The following PCNX1 variants were observed in gnomAD, a reference collection of about 807,000 sequenced individuals.
PCNX1 encodes pecanex-like protein 1.
PCNX1 carries 78 observed loss-of-function variants against 242.2 expected under a neutral mutation model. That is an observed-to-expected ratio of 0.32 (90% CI 0.27 to 0.39). PCNX1 has a LOEUF of 0.39. Ranked by LOEUF, PCNX1 falls within the 10% of genes least tolerant of loss-of-function variation. The pLI is 1.00. For missense variants in PCNX1, 2,581 were observed against 2,856.5 expected, an observed-to-expected ratio of 0.90 and a Z score of 2.20; for synonymous variants, 1,024 against 1,032.9, an observed-to-expected ratio of 0.99 and a Z score of 0.17.
intron 19 of PCNX1, among the ~76,000 whole-genome samples, chr14:71,043,513 C>CCCTT (rs908363125): frequency 1.3e-4 from 19 of 146,360 alleles, no homozygotes; most frequent in Admixed American, 6.8e-5. Context: ...CTCCCTCCCT[C>CCCTT]CCTTCCTTCC....
Position 71,064,757 on chromosome 14 carries a change from A to G in PCNX1, c.4852+7033A>G, listed in dbSNP as rs2061407931. 2.0e-5 allele frequency among the ~76,000 whole-genome samples: 3 copies of G among 152,058 alleles called. 1 individual carries two copies. The highest frequency in any genetic ancestry group is 4.4e-5 in the Non-Finnish European group (3 of 68,004). ...TACATTAGGTATTTCTCCTAATGCT[A>G]TCCCTCCCCTGGCCCCCATCCCCCG... On this transcript the variant is annotated intron_variant, in intron 26 of 35. Transcript: ENST00000304743.
chr14:71,097,018 T>C (rs981410201), intron 30 of PCNX1, among the ~76,000 whole-genome samples: 1 of 152,066 alleles, frequency 6.6e-6, no homozygotes. Context: ...CACCGGCATC[T>C]CCTACCCAGG....
chr14:70,986,591 A>G (rs1213117741), intron 6 of PCNX1, among the ~76,000 whole-genome samples: 1 of 152,196 alleles, frequency 6.6e-6, no homozygotes, highest in African/African-American at 2.4e-5. Context: ...GAAGATAGTA[A>G]AGAAAACCGT....
intron 11 of PCNX1, among the ~76,000 whole-genome samples, chr14:71,016,120 A>C (rs969297336): frequency 1.3e-5 from 2 of 152,254 alleles, no homozygotes; most frequent in Non-Finnish European, 2.9e-5. Context: ...TATTAAAGTC[A>C]GGTAAAGTAG....
Position 70,978,663 on chromosome 14 carries a change from A to G in PCNX1, c.2311+15A>G, listed in dbSNP as rs1272341124. 5 of 1,587,886 alleles carry G rather than the reference A, an allele frequency of 3.1e-6. No individual in the cohort carries two copies. In the African/African-American group the frequency reaches 5.4e-5, roughly 17 times the overall value. ...AGTCAGTGGAGGTAAGTAAACTGTA[A>G]GAAGAGATTTCTGTAAGACTCACTG... On this transcript the variant is annotated intron_variant, in intron 6 of 35. Coordinates refer to ENST00000304743, the MANE Select transcript of PCNX1 (RefSeq NM_014982.3).
chr14:70,985,975 G>C (rs11622038), intron 6 of PCNX1, among the ~76,000 whole-genome samples: 5,147 of 152,078 alleles, frequency 0.034, 118 homozygotes, highest in Non-Finnish European at 0.052. Context: ...ATTACAATTG[G>C]ATTCTGGAAG....
chr14:70,919,308 T>C lies in PCNX1; in HGVS notation c.153+11305T>C, dbSNP rs56074375. ...TTTTTTAGTCCAAATTAAGGATGCA[T>C]ACTGCACTAACATATTGCATAAGAA... On this transcript the variant is annotated intron_variant, in intron 1 of 35. Coordinates refer to ENST00000304743, the MANE Select transcript of PCNX1 (RefSeq NM_014982.3). 8.6e-3 allele frequency among the ~76,000 whole-genome samples: 1,309 copies of C among 152,328 alleles called. 24 individuals carry two copies. Among genetic ancestry groups the C allele is most frequent in the African/African-American group, 0.03 (1,235 of 41,564 alleles).
intron 16 of PCNX1, 152 bp downstream of exon 16, chr14:71,028,943 C>T: frequency 2.0e-6 from 1 of 502,468 alleles, no homozygotes. Flanking sequence ...TCATTCTCAA[C>T]TACTTTGAAT....
intron 28 of PCNX1, among the ~76,000 whole-genome samples, chr14:71,077,899 T>G (rs2141488917): frequency 6.6e-6 from 1 of 152,324 alleles, no homozygotes; most frequent in Non-Finnish European, 1.5e-5. Context: ...TTGGCTATTT[T>G]GTTATGAGTT....
rs753704684 is a variant in PCNX1, at chr14:70,995,938, T to C, written c.2629+13T>C. 1.9e-6 allele frequency: 3 copies of C among 1,602,156 alleles called. No homozygotes were observed. The highest frequency in any genetic ancestry group is 8.6e-7 in the Non-Finnish European group (1 of 1,169,104). ...CACGATGAACTTGGTATGCAGGCCT[T>C]ATGTAATCTTGATGATACAAAAACT... On this transcript the variant is annotated intron_variant, in intron 8 of 35. Coordinates refer to ENST00000304743, the MANE Select transcript of PCNX1 (RefSeq NM_014982.3).
At chr14:71,096,164 A>G (rs987603797) in intron 30 of PCNX1, among the ~76,000 whole-genome samples, 1 of 151,274 alleles carries the variant, frequency 6.6e-6, no homozygotes, top group African/African-American at 2.4e-5. Context: ...CTAAAAATAC[A>G]ATAATTAGCT....
At chr14:71,096,349 C>T (rs949514621) in intron 30 of PCNX1, among the ~76,000 whole-genome samples, 3 of 151,664 alleles carry the variant, frequency 2.0e-5, no homozygotes, top group Admixed American at 6.6e-5. Flanking sequence ...GGCATGGGGG[C>T]GTGTGCCTGT....
At chr14:71,105,586 T>G in intron 33 of PCNX1, 146 bp downstream of exon 33, 1 of 604,614 alleles carries the variant, frequency 1.7e-6, no homozygotes, top group Non-Finnish European at 2.9e-6. Context: ...AGTCTTGCTC[T>G]GGCTGGAGTG....
At chr14:71,030,914 A>G (rs1302860443) in intron 16 of PCNX1, among the ~76,000 whole-genome samples, 9 of 152,176 alleles carry the variant, frequency 5.9e-5, no homozygotes, top group African/African-American at 2.2e-4. Context: ...AAATTCATTA[A>G]GTTATCCATT....
At chr14:70,973,655 G>T (rs1473787186) in intron 5 of PCNX1, among the ~76,000 whole-genome samples, 1 of 151,970 alleles carries the variant, frequency 6.6e-6, no homozygotes, top group African/African-American at 2.4e-5. Context: ...GTAAGATGTT[G>T]TAAGAGATAT....
intron 1 of PCNX1, among the ~76,000 whole-genome samples, chr14:70,927,447 C>T (rs1035549826): frequency 5.3e-5 from 8 of 152,078 alleles, no homozygotes; most frequent in Non-Finnish European, 1.0e-4. Context: ...TAGTATCATT[C>T]TGTTTCAAGC....
chr14:71,111,864 T>G lies in PCNX1; in HGVS notation c.*1929T>G, dbSNP rs2062759064. 1.3e-5 allele frequency: 2 copies of G among 152,474 alleles called. No individual in the cohort carries two copies. The highest frequency in any genetic ancestry group is 2.9e-5 in the Non-Finnish European group (2 of 67,956). 9.4% of individuals were successfully genotyped at this position (152,474 alleles called of 1,614,324 possible). The stretch of plus-strand genomic sequence containing the variant: ...AACCTTTATACAAAAGTACCCTTTC[T>G]AAATTGACCATTTAAAAATGTATTT... On this transcript the variant is annotated 3_prime_UTR_variant, in exon 36 of 36. Transcript: ENST00000304743.
chr14:71,058,977 C>T (rs1224317450), intron 26 of PCNX1, among the ~76,000 whole-genome samples: 1 of 152,170 alleles, frequency 6.6e-6, no homozygotes, highest in Admixed American at 6.5e-5. Context: ...GTTAGCATAC[C>T]CTTACCACCA....
intron 1 of PCNX1, among the ~76,000 whole-genome samples, chr14:70,930,932 G>A (rs17108730): frequency 0.091 from 13,902 of 152,190 alleles, 750 homozygotes; most frequent in Admixed American, 0.17. Flanking sequence ...CTAAATCCCT[G>A]GAGCCATGGC....
Sources: gnomAD v4.1 joint callset for allele counts (sites outside exome capture counted in the v4.1 genomes callset) on GRCh38, gnomAD v4.1.1 for gene constraint, MANE v1.5 for transcripts, NCBI Gene and HGNC (gene_info 2026-07-23, HGNC 2026-07-21) for gene names.